NOL4: variants seen among roughly 807,000 people sequenced by gnomAD.
The protein encoded by NOL4 is cancer/testis antigen 125.
In NOL4, 17 loss-of-function variants were observed where a neutral mutation model predicts 75.9. The observed-to-expected ratio is 0.22, with a 90% confidence interval of 0.15 to 0.34. NOL4 has a LOEUF of 0.34. NOL4 is among the 10% of genes least tolerant of loss of function. The pLI, the probability that NOL4 is intolerant of heterozygous loss-of-function variation, is 1.00. For synonymous variants in NOL4, 292 were observed against 289.9 expected, an observed-to-expected ratio of 1.01 and a Z score of -0.07; for missense variants, 614 against 793.5, an observed-to-expected ratio of 0.77 and a Z score of 2.72.
Position 33,870,289 on chromosome 18 carries a change from G to T in NOL4, c.1723+12955C>A, listed in dbSNP as rs562081494. Among the ~76,000 whole-genome samples the T allele has an allele frequency of 2.0e-5, 3 of 152,132 alleles. No individual in the cohort carries two copies. In the East Asian group the frequency reaches 5.8e-4, roughly 29 times the overall value. ...ATCTCACTCATATGTGGAATCCAAA[G>T]AATTTGTTCACATAGTAGAGAGTGG... is the stretch of plus-strand genomic sequence containing the variant. On this transcript the variant is annotated intron_variant, in intron 10 of 10. Transcript: ENST00000261592.
At chr18:34,203,685 C>CCTCTCTCT (rs1226376797) in intron 1 of NOL4, among the ~76,000 whole-genome samples, 47 of 100,750 alleles carry the variant, frequency 4.7e-4, no homozygotes, top group South Asian at 1.3e-3. Context: ...TCTCTCTCTC[C>CCTCTCTCT]CTCTCTCTCT....
intron 1 of NOL4, among the ~76,000 whole-genome samples, chr18:34,150,053 T>A (rs2081577088): frequency 6.6e-6 from 1 of 151,662 alleles, no homozygotes; most frequent in African/African-American, 2.4e-5. Flanking sequence ...TACATTTCCC[T>A]GGGCCTTGGT....
At chr18:33,895,726 T>C (rs959770767) in intron 9 of NOL4, among the ~76,000 whole-genome samples, 1 of 152,250 alleles carries the variant, frequency 6.6e-6, no homozygotes, top group Non-Finnish European at 1.5e-5. Flanking sequence ...GCTGGAAGCA[T>C]TTCTTTTGAA....
intron 1 of NOL4, among the ~76,000 whole-genome samples, chr18:34,134,078 A>G (rs1476263037): frequency 6.6e-6 from 1 of 152,034 alleles, no homozygotes; most frequent in African/African-American, 2.4e-5. Flanking sequence ...AACACATAAG[A>G]TTATAAACAG....
chr18:34,138,479 C>A (rs140893699), intron 1 of NOL4, among the ~76,000 whole-genome samples: 25 of 152,188 alleles, frequency 1.6e-4, no homozygotes, highest in Non-Finnish European at 2.8e-4. Flanking sequence ...TAAGGACTGG[C>A]TGTTAATAGC....
intron 9 of NOL4, among the ~76,000 whole-genome samples, chr18:33,939,097 T>G (rs1233940710): frequency 3.9e-5 from 6 of 152,062 alleles, no homozygotes; most frequent in African/African-American, 7.2e-5. Context: ...AGATGTGTGG[T>G]GTTATTTCTG....
At chr18:34,058,345 A>G (rs1235806933) in intron 5 of NOL4, among the ~76,000 whole-genome samples, 1 of 152,182 alleles carries the variant, frequency 6.6e-6, no homozygotes, top group East Asian at 1.9e-4. Context: ...CATGTTAGCT[A>G]GGATGGTCTC....
chr18:33,886,771 CTATA>C (rs138280712), intron 9 of NOL4, among the ~76,000 whole-genome samples: 3 of 137,418 alleles, frequency 2.2e-5, no homozygotes, highest in African/African-American at 7.9e-5. Flanking sequence ...ATAGATATAT[CTATA>C]TATATATATC....
At chr18:34,062,713 TAAA>T in intron 5 of NOL4, among the ~76,000 whole-genome samples, 1 of 152,170 alleles carries the variant, frequency 6.6e-6, no homozygotes, top group Non-Finnish European at 1.5e-5. Flanking sequence ...TATATCAAAA[TAAA>T]AATAGGCAGG....
intron 6 of NOL4, among the ~76,000 whole-genome samples, chr18:33,969,755 G>T (rs1600096888): frequency 4.8e-5 from 4 of 82,826 alleles, no homozygotes; most frequent in Non-Finnish European, 5.1e-5. Flanking sequence ...TCCAGTGCTT[G>T]TCCAAAAAAA....
chr18:34,000,710 C>T (rs543923046), intron 6 of NOL4, among the ~76,000 whole-genome samples: 74 of 152,160 alleles, frequency 4.9e-4, no homozygotes, highest in African/African-American at 1.6e-3. Flanking sequence ...ACAGTGTAAG[C>T]ACTTGATAAT....
At chr18:34,172,021 C>G (rs9956360) in intron 1 of NOL4, among the ~76,000 whole-genome samples, 75,679 of 151,302 alleles carry the variant, frequency 0.5, 18,928 homozygotes, top group Admixed American at 0.56. Flanking sequence ...TGTACAAAAG[C>G]AAACACCTCA....
intron 1 of NOL4, among the ~76,000 whole-genome samples, chr18:34,207,313 G>A (rs1222454521): frequency 2.6e-5 from 4 of 151,872 alleles, no homozygotes; most frequent in Non-Finnish European, 4.4e-5. Context: ...TCTTAGTCTT[G>A]TTAAAATCCT....
At chr18:33,920,292 G>T (rs2066957417) in intron 9 of NOL4, among the ~76,000 whole-genome samples, 1 of 152,066 alleles carries the variant, frequency 6.6e-6, no homozygotes, top group African/African-American at 2.4e-5. Context: ...TATATTGGTT[G>T]TACCCCAAAT....
intron 9 of NOL4, among the ~76,000 whole-genome samples, chr18:33,934,912 G>A (rs1246183863): frequency 1.3e-5 from 2 of 150,380 alleles, no homozygotes; most frequent in Non-Finnish European, 3.0e-5. Flanking sequence ...TTGCCTGGAG[G>A]CGGTGGCACA....
chr18:34,208,064 T>G (rs952115489), intron 1 of NOL4, among the ~76,000 whole-genome samples: 1 of 152,178 alleles, frequency 6.6e-6, no homozygotes, highest in Non-Finnish European at 1.5e-5. Context: ...AAATTTGTAC[T>G]GTCTGCTTTC....
At chr18:34,136,866 T>TA (rs537452283) in intron 1 of NOL4, among the ~76,000 whole-genome samples, 4 of 151,892 alleles carry the variant, frequency 2.6e-5, no homozygotes, top group East Asian at 1.9e-4. Flanking sequence ...AAATAGCCTT[T>TA]AAAAAAAAGA....
intron 1 of NOL4, among the ~76,000 whole-genome samples, chr18:34,167,713 G>C (rs935561354): frequency 1.4e-4 from 21 of 151,974 alleles, no homozygotes; most frequent in African/African-American, 4.6e-4. Context: ...AGATTAGTGA[G>C]CTATAACAGA....
At chr18:34,200,704 C>T (rs1199445349) in intron 1 of NOL4, among the ~76,000 whole-genome samples, 3 of 151,664 alleles carry the variant, frequency 2.0e-5, no homozygotes, top group Non-Finnish European at 4.4e-5. Context: ...TTAGGCATGT[C>T]ACTGCGGTAC....
Sources: allele counts gnomAD v4.1 joint callset (sites outside exome capture counted in the v4.1 genomes callset), GRCh38; gene constraint gnomAD v4.1.1; transcripts MANE v1.5; gene names NCBI Gene and HGNC (gene_info 2026-07-23, HGNC 2026-07-21).